MARCHF1: variants seen among roughly 807,000 people sequenced by gnomAD.
MARCHF1 encodes E3 ubiquitin-protein ligase MARCHF1.
MARCHF1 carries 40 observed loss-of-function variants against 54.2 expected under a neutral mutation model. That is an observed-to-expected ratio of 0.74 (90% confidence interval 0.57 to 0.96). MARCHF1 has a LOEUF of 0.96. MARCHF1 is among the 40% of genes least tolerant of loss of function. MARCHF1 has a pLI of 0.00. For synonymous variants in MARCHF1, 236 were observed against 236.3 expected, an observed-to-expected ratio of 1.00 and a Z score of 0.01; for missense variants, 586 against 656.5, an observed-to-expected ratio of 0.89 and a Z score of 1.17.
intron 2 of MARCHF1, among the ~76,000 whole-genome samples, chr4:163,990,437 C>T (rs1456929472): frequency 6.6e-6 from 1 of 152,064 alleles, no homozygotes; most frequent in Non-Finnish European, 1.5e-5. Flanking sequence ...AACCTCAGCA[C>T]AATAAGCTCA....
At chr4:164,147,890 A>T (rs1729806696) in intron 1 of MARCHF1, among the ~76,000 whole-genome samples, 1 of 152,188 alleles carries the variant, frequency 6.6e-6, no homozygotes, top group African/African-American at 2.4e-5. Context: ...TACATATGTT[A>T]TTCAGCTTGA....
intron 1 of MARCHF1, chr4:164,189,959 C>T (rs17476188): frequency 0.013 from 20,172 of 1,532,662 alleles, 228 homozygotes; most frequent in South Asian, 0.039. Context: ...TTACCAATGA[C>T]CAGAATCACC....
intron 1 of MARCHF1, among the ~76,000 whole-genome samples, chr4:164,158,509 C>T (rs181151449): frequency 5.3e-5 from 8 of 152,084 alleles, no homozygotes; most frequent in East Asian, 3.9e-4. Flanking sequence ...AGTGTGGTGA[C>T]GGGCGCCTAT....
At chr4:163,626,911 T>G (rs1028433015) in intron 5 of MARCHF1, among the ~76,000 whole-genome samples, 1 of 152,092 alleles carries the variant, frequency 6.6e-6, no homozygotes, top group African/African-American at 2.4e-5. Context: ...GGTGACAGAA[T>G]GTGACTCCAT....
At chr4:164,145,193 C>A (rs1472519006) in intron 1 of MARCHF1, among the ~76,000 whole-genome samples, 1 of 151,238 alleles carries the variant, frequency 6.6e-6, no homozygotes, top group African/African-American at 2.4e-5. Context: ...GCTTACCAAC[C>A]AAAAAGAGTC....
At chr4:163,907,728 G>A (rs1178782865) in intron 3 of MARCHF1, among the ~76,000 whole-genome samples, 1 of 152,044 alleles carries the variant, frequency 6.6e-6, no homozygotes, top group Non-Finnish European at 1.5e-5. Context: ...TGTCCATTTT[G>A]ATTCATTTCT....
At chr4:163,643,977 G>C (rs1388577174) in intron 5 of MARCHF1, among the ~76,000 whole-genome samples, 1 of 152,034 alleles carries the variant, frequency 6.6e-6, no homozygotes, top group Non-Finnish European at 1.5e-5. Context: ...GTTTTCCTAT[G>C]CTTTCTTAAA....
At chr4:163,684,970 C>A (rs1042196791) in intron 5 of MARCHF1, among the ~76,000 whole-genome samples, 1 of 152,182 alleles carries the variant, frequency 6.6e-6, no homozygotes, top group African/African-American at 2.4e-5. Context: ...CACTAAAGTA[C>A]ACCTCATTCC....
intron 2 of MARCHF1, among the ~76,000 whole-genome samples, chr4:164,017,767 G>A (rs1239284195): frequency 6.7e-6 from 1 of 148,930 alleles, no homozygotes; most frequent in Non-Finnish European, 1.5e-5. Context: ...CAAAGTCTTA[G>A]TACCCTTTGT....
chr4:164,112,608 T>C (rs780499321), intron 1 of MARCHF1, among the ~76,000 whole-genome samples: 4 of 151,936 alleles, frequency 2.6e-5, no homozygotes, highest in Non-Finnish European at 4.4e-5. Context: ...GCAGAAATTG[T>C]ATAATAGTTA....
At chr4:164,340,840 G>C (rs1333584651) in intron 1 of MARCHF1, among the ~76,000 whole-genome samples, 1 of 150,492 alleles carries the variant, frequency 6.6e-6, no homozygotes, top group Non-Finnish European at 1.5e-5. Context: ...TTACAGGTGT[G>C]AGCCACTGTG....
At chr4:164,374,495 C>T (rs969277618) in intron 1 of MARCHF1, among the ~76,000 whole-genome samples, 1 of 152,080 alleles carries the variant, frequency 6.6e-6, no homozygotes, top group African/African-American at 2.4e-5. Flanking sequence ...TTAAAGCCTT[C>T]TGCCTCATTT....
At chr4:164,185,949 A>G (rs1406958468) in intron 1 of MARCHF1, among the ~76,000 whole-genome samples, 1 of 152,184 alleles carries the variant, frequency 6.6e-6, no homozygotes, top group Non-Finnish European at 1.5e-5. Flanking sequence ...GCTGGAGTGC[A>G]GTGGCGTGAC....
At chr4:163,738,046 G>A (rs971110784) in intron 4 of MARCHF1, among the ~76,000 whole-genome samples, 8 of 152,184 alleles carry the variant, frequency 5.3e-5, no homozygotes, top group African/African-American at 1.7e-4. Flanking sequence ...TGTTGGATGC[G>A]TTGAAGAGGA....
chr4:163,842,928 C>T (rs1005499006), intron 4 of MARCHF1, among the ~76,000 whole-genome samples: 17 of 151,996 alleles, frequency 1.1e-4, no homozygotes, highest in African/African-American at 3.4e-4. Context: ...AATTGTGTGT[C>T]GTTGATGCGT....
chr4:164,254,545 T>G (rs887721986), intron 1 of MARCHF1, among the ~76,000 whole-genome samples: 4 of 151,794 alleles, frequency 2.6e-5, no homozygotes, highest in African/African-American at 4.8e-5. Context: ...TGTATGAAGT[T>G]TATTAAGTAT....
intron 3 of MARCHF1, among the ~76,000 whole-genome samples, chr4:163,902,122 T>C (rs1291113816): frequency 6.6e-6 from 1 of 152,162 alleles, no homozygotes; most frequent in Admixed American, 6.6e-5. Context: ...TCAGAAGCAC[T>C]GTTAGAGATA....
chr4:163,643,971 TC>T (rs2111042600), intron 5 of MARCHF1, among the ~76,000 whole-genome samples: 1 of 152,292 alleles, frequency 6.6e-6, no homozygotes, highest in East Asian at 1.9e-4. Flanking sequence ...GTAATTGTTT[TC>T]CTATGCTTTC....
At chr4:164,341,030 C>A (rs1312689569) in intron 1 of MARCHF1, among the ~76,000 whole-genome samples, 1 of 151,870 alleles carries the variant, frequency 6.6e-6, no homozygotes, top group Non-Finnish European at 1.5e-5. Flanking sequence ...CATAATATAC[C>A]TTCAGCAAGT....
Sources: gnomAD v4.1 joint callset for allele counts (sites outside exome capture counted in the v4.1 genomes callset) on GRCh38, gnomAD v4.1.1 for gene constraint, MANE v1.5 for transcripts, NCBI Gene and HGNC (gene_info 2026-07-23, HGNC 2026-07-21) for gene names.